The following EFNA5 variants were observed in gnomAD, a reference collection of about 807,000 sequenced individuals.
The protein encoded by EFNA5 is ephrin A5.
EFNA5 carries 5 observed loss-of-function variants against 22.9 expected under a neutral mutation model. That is an observed-to-expected ratio of 0.22 (90% confidence interval 0.11 to 0.46). The LOEUF is 0.46. EFNA5 is among the 20% of genes least tolerant of loss of function. EFNA5 has a pLI of 0.99. For synonymous variants in EFNA5, 113 were observed against 112.2 expected (o/e 1.01, Z -0.04); for missense variants, 237 against 293.3 (o/e 0.81, Z 1.40).
chr5:107,495,702 C>A (rs2112419452), intron 1 of EFNA5, among the ~76,000 whole-genome samples: 1 of 152,154 alleles, frequency 6.6e-6, no homozygotes, highest in East Asian at 1.9e-4. Flanking sequence ...CGCCTCCTCT[C>A]CACCAAAAAA....
chr5:107,488,493 C>T (rs1746705923), intron 1 of EFNA5, among the ~76,000 whole-genome samples: 1 of 152,170 alleles, frequency 6.6e-6, no homozygotes, highest in Admixed American at 6.5e-5. Flanking sequence ...GCAGGGGCTT[C>T]CTCTTGTTGA....
chr5:107,534,206 A>C (rs1275853977), intron 1 of EFNA5, among the ~76,000 whole-genome samples: 1 of 152,226 alleles, frequency 6.6e-6, no homozygotes, highest in Non-Finnish European at 1.5e-5. Context: ...AAGAGCAGCA[A>C]ACACTTCAAG....
At chr5:107,535,041 A>G (rs1418498635) in intron 1 of EFNA5, among the ~76,000 whole-genome samples, 3 of 152,084 alleles carry the variant, frequency 2.0e-5, no homozygotes, top group Non-Finnish European at 4.4e-5. Flanking sequence ...TGCCTTTTTG[A>G]TGAAAAGTGG....
chr5:107,404,113 G>A (rs1748152586), intron 2 of EFNA5, among the ~76,000 whole-genome samples: 1 of 152,186 alleles, frequency 6.6e-6, no homozygotes, highest in South Asian at 2.1e-4. Flanking sequence ...ATGAGTTTGA[G>A]ATAATTTACT....
chr5:107,668,454 AAACT>A (rs748332786), intron 1 of EFNA5, among the ~76,000 whole-genome samples: 2 of 152,200 alleles, frequency 1.3e-5, no homozygotes, highest in African/African-American at 4.8e-5. Flanking sequence ...AAATGTCCTC[AAACT>A]AACTCAGACT....
chr5:107,582,248 C>T (rs998404824), intron 1 of EFNA5, among the ~76,000 whole-genome samples: 4 of 152,166 alleles, frequency 2.6e-5, no homozygotes, highest in African/African-American at 9.7e-5. Flanking sequence ...AAGTACCAGA[C>T]TGGAATATAA....
chr5:107,423,211 C>T lies in EFNA5; in HGVS notation c.418+4006G>A, dbSNP rs549035649. Among the ~76,000 whole-genome samples the T allele has an allele frequency of 3.9e-5, 6 of 152,220 alleles. No homozygotes were observed. The South Asian group carries it at 8.3e-4, about 21-fold the overall frequency. On this transcript the variant is annotated intron_variant, in intron 2 of 4. Transcript: ENST00000333274. ...GTTAGGTCAAGAAAAGGACCTGGGACTCAGTTTTCCTTACTTTATAAAAGC... is the reference window on the plus strand; with the variant it reads ...GTTAGGTCAAGAAAAGGACCTGGGATTCAGTTTTCCTTACTTTATAAAAGC...
intron 1 of EFNA5, among the ~76,000 whole-genome samples, chr5:107,546,651 A>AACACACACAC (rs767896375): frequency 7.7e-4 from 94 of 121,358 alleles, no homozygotes; most frequent in Non-Finnish European, 5.5e-4. Context: ...TGGTGCGTAA[A>AACACACACAC]ACACACACAC....
intron 1 of EFNA5, among the ~76,000 whole-genome samples, chr5:107,585,329 C>T (rs1271648852): frequency 6.6e-6 from 1 of 152,164 alleles, no homozygotes; most frequent in Non-Finnish European, 1.5e-5. Context: ...TCCTATTGCA[C>T]TACATCAAGG....
chr5:107,586,793 A>G (rs1001140249), intron 1 of EFNA5, among the ~76,000 whole-genome samples: 8 of 152,234 alleles, frequency 5.3e-5, no homozygotes, highest in Non-Finnish European at 1.2e-4. Context: ...GGTTATTTTA[A>G]GGAAATAATT....
At chr5:107,482,862 CTCTCTCTCTATATATATA>C (rs1561406427) in intron 1 of EFNA5, among the ~76,000 whole-genome samples, 7,389 of 75,960 alleles carry the variant, frequency 0.097, 279 homozygotes, top group South Asian at 0.17. Flanking sequence ...CTCTCTCTCT[CTCTCTCTCTATATATATA>C]TATATATATA....
At chr5:107,552,699 T>C (rs533760819) in intron 1 of EFNA5, among the ~76,000 whole-genome samples, 31 of 152,234 alleles carry the variant, frequency 2.0e-4, no homozygotes, top group Non-Finnish European at 4.3e-4. Flanking sequence ...TGTATATTCA[T>C]GGAGCTCTCC....
intron 1 of EFNA5, among the ~76,000 whole-genome samples, chr5:107,560,935 T>A (rs1363083042): frequency 2.6e-5 from 4 of 152,166 alleles, no homozygotes; most frequent in African/African-American, 9.7e-5. Flanking sequence ...CACCTTTACA[T>A]CAGGTTCTAA....
intron 1 of EFNA5, among the ~76,000 whole-genome samples, chr5:107,533,919 T>C (rs1747874890): frequency 6.6e-6 from 1 of 152,224 alleles, no homozygotes; most frequent in Admixed American, 6.5e-5. Flanking sequence ...CGTGAGAGCC[T>C]GAACCACACT....
At chr5:107,634,463 C>CATATACAAGAGTGAAAGGGAAAGGAA (rs1353246016) in intron 1 of EFNA5, among the ~76,000 whole-genome samples, 8 of 148,704 alleles carry the variant, frequency 5.4e-5, no homozygotes, top group Non-Finnish European at 7.6e-5. Flanking sequence ...TTGCAGTTAG[C>CATATACAAGAGTGAAAGGGAAAGGAA]TATGATGGCG....
At chr5:107,664,607 T>C (rs1751031383) in intron 1 of EFNA5, among the ~76,000 whole-genome samples, 1 of 152,214 alleles carries the variant, frequency 6.6e-6, no homozygotes, top group African/African-American at 2.4e-5. Context: ...TGAATATTAA[T>C]ACCTCATTTC....
intron 1 of EFNA5, among the ~76,000 whole-genome samples, chr5:107,645,430 T>C (rs1750611929): frequency 6.6e-6 from 1 of 152,250 alleles, no homozygotes; most frequent in African/African-American, 2.4e-5. Context: ...CATTCACTAT[T>C]CACATGTTAA....
At chr5:107,512,696 C>G (rs971088595) in intron 1 of EFNA5, among the ~76,000 whole-genome samples, 3 of 152,102 alleles carry the variant, frequency 2.0e-5, no homozygotes, top group Non-Finnish European at 4.4e-5. Context: ...CTCCATCAAG[C>G]AGCAATCACC....
intron 1 of EFNA5, among the ~76,000 whole-genome samples, chr5:107,588,801 A>G (rs1303323334): frequency 2.6e-5 from 4 of 152,230 alleles, no homozygotes; most frequent in Non-Finnish European, 5.9e-5. Flanking sequence ...CATTTAAATT[A>G]TCAACCTGAG....
Sources: allele counts gnomAD v4.1 joint callset (sites outside exome capture counted in the v4.1 genomes callset), GRCh38; gene constraint gnomAD v4.1.1; transcripts MANE v1.5; gene names NCBI Gene and HGNC (gene_info 2026-07-23, HGNC 2026-07-21).